Variants in COLEC12 observed in about 807,000 individuals in gnomAD.
COLEC12 encodes collectin-12.
A neutral mutation model predicts 71.1 loss-of-function variants in COLEC12; 33 were observed. The observed-to-expected ratio is 0.46, with a 90% confidence interval of 0.35 to 0.62. COLEC12 has a LOEUF of 0.62. Among genes scored for constraint, COLEC12 ranks in the 20% least tolerant of loss-of-function variants. The pLI, the probability that COLEC12 is intolerant of heterozygous loss-of-function variation, is 0.00. For missense variants in COLEC12, 765 were observed against 916.1 expected (o/e 0.84, Z 2.13); for synonymous variants, 350 against 353.0 (o/e 0.99, Z 0.10).
chr18:466,164 C>T (rs985384997), intron 2 of COLEC12, among the ~76,000 whole-genome samples: 10 of 152,096 alleles, frequency 6.6e-5, no homozygotes, highest in African/African-American at 1.9e-4. Context: ...CACTTGAACC[C>T]GGGAGGTGGA....
chr18:412,481 GAA>G (rs201793548), intron 2 of COLEC12, among the ~76,000 whole-genome samples: 1 of 106,560 alleles, frequency 9.4e-6, no homozygotes. Flanking sequence ...GCTCTAAACA[GAA>G]AAAAAAAAAA....
intron 2 of COLEC12, among the ~76,000 whole-genome samples, chr18:374,574 C>T (rs1915072470): frequency 6.6e-6 from 1 of 152,152 alleles, no homozygotes; most frequent in Non-Finnish European, 1.5e-5. Flanking sequence ...GATACCTGGC[C>T]TCCCATAGGA....
chr18:389,615 CT>C (rs1419287261), intron 2 of COLEC12, among the ~76,000 whole-genome samples: 1 of 151,802 alleles, frequency 6.6e-6, no homozygotes, highest in Non-Finnish European at 1.5e-5. Flanking sequence ...AGATATAGCA[CT>C]ATATATACTG....
At chr18:364,373 G>T (rs1243472051) in intron 2 of COLEC12, among the ~76,000 whole-genome samples, 1 of 152,154 alleles carries the variant, frequency 6.6e-6, no homozygotes, top group African/African-American at 2.4e-5. Flanking sequence ...TTTATTAGAT[G>T]AACTGTCCAC....
rs1237252678 is a variant in COLEC12, at chr18:327,639, A to C, written c.2063+4029T>G. On this transcript the variant is annotated intron_variant, in intron 8 of 9. Coordinates refer to ENST00000400256, the MANE Select transcript of COLEC12 (RefSeq NM_130386.3). This position sits in a 1 kb window ranked among gnomAD's most constrained non-coding sequence, Gnocchi z 4.0. Reference sequence around the variant, plus strand: ...TCTCAACCAGGTCTCAGCATGAAAAATGAGGTGAGGCCGAGACGCAGAGGA... The same window carrying C: ...TCTCAACCAGGTCTCAGCATGAAAACTGAGGTGAGGCCGAGACGCAGAGGA... 6.6e-6 allele frequency among the ~76,000 whole-genome samples: 1 copy of C among 152,204 alleles called. No homozygotes were observed.
At chr18:340,074 C>A (rs947994847) in intron 5 of COLEC12, among the ~76,000 whole-genome samples, 1,350 of 93,054 alleles carry the variant, frequency 0.015, no homozygotes, top group East Asian at 0.027. Flanking sequence ...TGCCTGAAAG[C>A]AAAAAAAAAA....
intron 1 of COLEC12, among the ~76,000 whole-genome samples, chr18:483,394 C>G (rs375214071): frequency 7.1e-6 from 1 of 140,896 alleles, no homozygotes; most frequent in South Asian, 2.3e-4. Flanking sequence ...TGTGGGACTC[C>G]GTCTCAAAAA....
chr18:380,333 G>A (rs191213949), intron 2 of COLEC12, among the ~76,000 whole-genome samples: 93 of 152,088 alleles, frequency 6.1e-4, no homozygotes, highest in African/African-American at 2.2e-3. Context: ...CTCCTTGCCT[G>A]GCTAAATTGT....
intron 2 of COLEC12, among the ~76,000 whole-genome samples, chr18:369,859 C>T (rs933150401): frequency 3.3e-5 from 5 of 152,014 alleles, no homozygotes; most frequent in African/African-American, 1.2e-4. Context: ...GATGTGGAGC[C>T]CTGGTGAATC....
intron 8 of COLEC12, among the ~76,000 whole-genome samples, chr18:324,726 G>T (rs1229871396): frequency 6.6e-6 from 1 of 152,144 alleles, no homozygotes; most frequent in African/African-American, 2.4e-5. Context: ...CTACTCAGGA[G>T]TCTGAGGCAC....
chr18:378,100 C>A (rs1915152195), intron 2 of COLEC12, among the ~76,000 whole-genome samples: 1 of 152,152 alleles, frequency 6.6e-6, no homozygotes, highest in South Asian at 2.1e-4. Context: ...AGAAAGGATA[C>A]CCCCTGCTGC....
At chr18:416,060 G>T (rs968247738) in intron 2 of COLEC12, among the ~76,000 whole-genome samples, 2 of 152,140 alleles carry the variant, frequency 1.3e-5, no homozygotes, top group Non-Finnish European at 2.9e-5. Flanking sequence ...TTATCATCAT[G>T]CTAGTAGATG....
At chr18:477,401 C>T (rs1419510918) in intron 2 of COLEC12, among the ~76,000 whole-genome samples, 3 of 151,998 alleles carry the variant, frequency 2.0e-5, no homozygotes, top group Admixed American at 6.5e-5. Flanking sequence ...AGTCTAAATT[C>T]GGGTTGTGTT....
At chr18:467,639 C>T (rs914555219) in intron 2 of COLEC12, among the ~76,000 whole-genome samples, 1 of 152,184 alleles carries the variant, frequency 6.6e-6, no homozygotes, top group Non-Finnish European at 1.5e-5. Flanking sequence ...TTTACAGACA[C>T]CTGCATTTGA....
At chr18:379,869 C>T (rs911028169) in intron 2 of COLEC12, among the ~76,000 whole-genome samples, 1 of 152,120 alleles carries the variant, frequency 6.6e-6, no homozygotes, top group Admixed American at 6.6e-5. Flanking sequence ...CATCTGGTAG[C>T]TTTGCTTGCA....
intron 2 of COLEC12, among the ~76,000 whole-genome samples, chr18:414,370 A>T (rs1372962836): frequency 1.3e-5 from 2 of 152,108 alleles, no homozygotes; most frequent in African/African-American, 2.4e-5. Context: ...CGGGTGGATC[A>T]CCTGAGGTAC....
At chr18:414,087 G>A (rs961542238) in intron 2 of COLEC12, among the ~76,000 whole-genome samples, 1 of 152,188 alleles carries the variant, frequency 6.6e-6, no homozygotes, top group Non-Finnish European at 1.5e-5. Context: ...CAATATTCTG[G>A]TTGTGATACT....
intron 8 of COLEC12, among the ~76,000 whole-genome samples, chr18:330,032 C>T (rs747705143): frequency 2.0e-5 from 3 of 152,142 alleles, no homozygotes; most frequent in East Asian, 1.9e-4. Context: ...GAGCCATGAT[C>T]GTGCCACTGC....
rs73356551 is a variant in COLEC12, at chr18:386,972, G to A, written c.59-29450C>T. 3.1e-3 allele frequency among the ~76,000 whole-genome samples: 475 copies of A among 152,248 alleles called. 4 individuals carry two copies. Among genetic ancestry groups the A allele is most frequent in the African/African-American group, 0.011 (454 of 41,536 alleles). The stretch of plus-strand genomic sequence containing the variant: ...TGAGGAGTTTTGTTACAGAAAGAAC[G>A]CAGACCGCTACCATATCTGCTGAAG... On this transcript the variant is annotated intron_variant, in intron 2 of 9. Coordinates refer to ENST00000400256, the MANE Select transcript of COLEC12 (RefSeq NM_130386.3).
Sources: gnomAD v4.1 joint callset for allele counts (sites outside exome capture counted in the v4.1 genomes callset) on GRCh38, gnomAD v4.1.1 for gene constraint, Gnocchi (gnomAD v3.1) non-coding constraint, MANE v1.5 for transcripts, NCBI Gene and HGNC (gene_info 2026-07-23, HGNC 2026-07-21) for gene names.